Variants in CACNA2D3 observed in about 807,000 individuals in gnomAD.
The protein encoded by CACNA2D3 is voltage-dependent calcium channel subunit alpha-2/delta-3.
CACNA2D3 carries 60 observed loss-of-function variants against 160.6 expected under a neutral mutation model. The observed-to-expected ratio is 0.37, with a 90% confidence interval of 0.30 to 0.46. The LOEUF (loss-of-function observed/expected upper bound fraction) is 0.46, where lower values mean the gene tolerates loss of function less well. CACNA2D3 is among the 20% of genes least tolerant of loss of function. The pLI is 1.00. For synonymous variants in CACNA2D3, 558 were observed against 492.9 expected, an observed-to-expected ratio of 1.13 and a Z score of -1.75; for missense variants, 1,205 against 1,365.0, an observed-to-expected ratio of 0.88 and a Z score of 1.85.
At chr3:55,041,157 C>A (rs1278986270) in intron 35 of CACNA2D3, among the ~76,000 whole-genome samples, 2 of 152,104 alleles carry the variant, frequency 1.3e-5, no homozygotes, top group Non-Finnish European at 2.9e-5. Flanking sequence ...TATAGAGATA[C>A]AATTGCTTGC....
chr3:54,476,619 C>T (rs1013874823), intron 4 of CACNA2D3, among the ~76,000 whole-genome samples: 1 of 152,004 alleles, frequency 6.6e-6, no homozygotes, highest in Non-Finnish European at 1.5e-5. Flanking sequence ...TGAGATGTTA[C>T]TTCTTTGTGG....
intron 9 of CACNA2D3, among the ~76,000 whole-genome samples, chr3:54,626,986 T>G (rs1228425661): frequency 6.6e-6 from 1 of 152,218 alleles, no homozygotes; most frequent in Non-Finnish European, 1.5e-5. Flanking sequence ...TAGGGCCTAC[T>G]CTGGAAGAGC....
intron 11 of CACNA2D3, among the ~76,000 whole-genome samples, chr3:54,740,288 C>G (rs1369676427): frequency 2.0e-5 from 3 of 152,128 alleles, no homozygotes; most frequent in Non-Finnish European, 4.4e-5. Flanking sequence ...CTTTTACTGA[C>G]TGAAGGTAAG....
intron 3 of CACNA2D3, among the ~76,000 whole-genome samples, chr3:54,334,024 TC>T (rs1468744474): frequency 1.3e-5 from 2 of 152,244 alleles, no homozygotes; most frequent in Non-Finnish European, 2.9e-5. Flanking sequence ...GGGAATTACT[TC>T]CTCTTGTAGA....
At chr3:54,297,338 GCAGC>G (rs1703363883) in intron 2 of CACNA2D3, among the ~76,000 whole-genome samples, 1 of 152,168 alleles carries the variant, frequency 6.6e-6, no homozygotes, top group Non-Finnish European at 1.5e-5. Context: ...TAGGGCTGCT[GCAGC>G]TGCTGTGGCT....
chr3:54,588,203 A>G (rs374028524), intron 9 of CACNA2D3, among the ~76,000 whole-genome samples: 3 of 152,250 alleles, frequency 2.0e-5, no homozygotes, highest in South Asian at 4.1e-4. Flanking sequence ...CAAGCTGAAA[A>G]TGACAACTCA....
At chr3:54,709,175 A>C (rs1700910004) in intron 11 of CACNA2D3, among the ~76,000 whole-genome samples, 1 of 147,950 alleles carries the variant, frequency 6.8e-6, no homozygotes, top group Non-Finnish European at 1.5e-5. Context: ...ATGCCTGACT[A>C]ATTTTTTTTT....
In CACNA2D3 at chr3:54,687,124, TTTTTTTTTTTG is replaced by T. The variant is rs1306448713; in HGVS notation, c.1167+44894_1167+44904del. On this transcript the variant is annotated intron_variant, in intron 11 of 37. Coordinates refer to ENST00000474759, the MANE Select transcript of CACNA2D3 (RefSeq NM_018398.3). ...TCGGATTTTTCTTTTTCTTTTTCTT[TTTTTTTTTTTG>T]TTTTTTTTTTTTTTTGTTTTTTTGA... is the stretch of plus-strand genomic sequence containing the variant. Among the ~76,000 whole-genome samples the T allele has an allele frequency of 9.9e-3, 547 of 54,982 alleles. 5 individuals carry two copies. The highest frequency in any genetic ancestry group is 0.016 in the Non-Finnish European group (450 of 27,854). The allele number at this position is 54,982 out of a possible 152,430, so 36.1% of individuals were successfully genotyped here.
intron 11 of CACNA2D3, among the ~76,000 whole-genome samples, chr3:54,742,993 T>C (rs1003552568): frequency 2.0e-5 from 3 of 152,218 alleles, no homozygotes; most frequent in African/African-American, 7.2e-5. Flanking sequence ...TCTCAACTGA[T>C]TGATAACAGA....
At chr3:54,933,609 C>G (rs1032942357) in intron 27 of CACNA2D3, among the ~76,000 whole-genome samples, 1 of 152,198 alleles carries the variant, frequency 6.6e-6, no homozygotes, top group African/African-American at 2.4e-5. Flanking sequence ...CAGTTTCTGC[C>G]TCCACATTTT....
intron 11 of CACNA2D3, among the ~76,000 whole-genome samples, chr3:54,656,446 T>C (rs1346135137): frequency 6.6e-6 from 1 of 152,184 alleles, no homozygotes; most frequent in East Asian, 1.9e-4. Context: ...AACTGCCCAG[T>C]GGCATCCCAG....
At chr3:54,301,214 G>A (rs147857953) in intron 2 of CACNA2D3, among the ~76,000 whole-genome samples, 8 of 151,640 alleles carry the variant, frequency 5.3e-5, no homozygotes, top group Non-Finnish European at 1.0e-4. Flanking sequence ...TTATGACTGA[G>A]CCACTGCACT....
chr3:54,675,428 G>A (rs1700222293), intron 11 of CACNA2D3, among the ~76,000 whole-genome samples: 1 of 152,162 alleles, frequency 6.6e-6, no homozygotes, highest in Non-Finnish European at 1.5e-5. Flanking sequence ...GGTGTTGAGG[G>A]CTGACCTGAA....
At chr3:54,147,764 T>G (rs892268588) in intron 2 of CACNA2D3, among the ~76,000 whole-genome samples, 1 of 152,208 alleles carries the variant, frequency 6.6e-6, no homozygotes, top group Non-Finnish European at 1.5e-5. Flanking sequence ...CAAGGTGGGC[T>G]TTTCCAAAGG....
chr3:55,018,363 G>A, intron 35 of CACNA2D3, 46 bp downstream of exon 35: 2 of 1,202,466 alleles, frequency 1.7e-6, no homozygotes, highest in South Asian at 1.3e-5. Context: ...TTTCTGCTCA[G>A]CACAGAACTT....
At chr3:54,165,222 C>T (rs1419910577) in intron 2 of CACNA2D3, among the ~76,000 whole-genome samples, 3 of 149,120 alleles carry the variant, frequency 2.0e-5, no homozygotes, top group African/African-American at 7.4e-5. Context: ...TGGGACGGTC[C>T]ACACTAAATG....
intron 2 of CACNA2D3, among the ~76,000 whole-genome samples, chr3:54,148,841 G>T (rs997329708): frequency 6.6e-6 from 1 of 151,974 alleles, no homozygotes; most frequent in East Asian, 1.9e-4. Context: ...GCCGGGTGTG[G>T]TGGTGGGCAT....
intron 4 of CACNA2D3, among the ~76,000 whole-genome samples, chr3:54,404,778 A>G (rs978313848): frequency 6.6e-6 from 1 of 152,170 alleles, no homozygotes; most frequent in African/African-American, 2.4e-5. Context: ...AAGTTGCAGG[A>G]TGTAAAATAA....
intron 2 of CACNA2D3, among the ~76,000 whole-genome samples, chr3:54,127,262 G>T (rs1486465119): frequency 6.6e-6 from 1 of 152,172 alleles, no homozygotes; most frequent in Admixed American, 6.5e-5. Context: ...ATTTACCTTG[G>T]ACGCCTCATG....
Sources: allele counts gnomAD v4.1 joint callset (sites outside exome capture counted in the v4.1 genomes callset), GRCh38; gene constraint gnomAD v4.1.1; transcripts MANE v1.5; gene names NCBI Gene and HGNC (gene_info 2026-07-23, HGNC 2026-07-21).